The following GARRE1 variants were observed in gnomAD, a reference collection of about 807,000 sequenced individuals.
GARRE1 encodes the protein granule associated Rac and RHOG effector 1.
Under a neutral mutation model 103.2 loss-of-function variants are expected in GARRE1, and 49 were observed. That is an observed-to-expected ratio of 0.47 (90% CI 0.38 to 0.60). The LOEUF is 0.60. Ranked by LOEUF, GARRE1 falls within the 20% of genes least tolerant of loss-of-function variation. The probability of loss-of-function intolerance (pLI) is 0.00; values close to 1 mark genes in which losing one functional copy is unlikely to be tolerated. For missense variants in GARRE1, 1,199 were observed against 1,370.5 expected (o/e 0.87, Z 1.98); for synonymous variants, 505 against 532.8 (o/e 0.95, Z 0.72).
At position 34,257,847 on chromosome 19, in the gene GARRE1, G is replaced by A. The variant is rs537170232; in HGVS notation, c.-796+3233G>A. Among the ~76,000 whole-genome samples, 9 of 151,274 alleles carry A rather than the reference G, an allele frequency of 5.9e-5. No individual in the cohort carries two copies. The East Asian group carries it at 7.8e-4, about 13-fold the overall frequency. ...TGGTGAGCTATTCTTTCTTGCTCTC[G>A]TGAATCTCCCATTGATTGGCCTTCT... On this transcript the variant is annotated intron_variant, in intron 1 of 13. Coordinates refer to ENST00000299505, the MANE Select transcript of GARRE1 (RefSeq NM_014686.5).
chr19:34,348,850 T>C (rs938812637), intron 11 of GARRE1, 166 bp from the exon 12 acceptor site: 4 of 721,018 alleles, frequency 5.5e-6, no homozygotes, highest in African/African-American at 1.8e-5. Context: ...TGTATTACTT[T>C]TGAAATAAGG....
At chr19:34,331,050 C>T (rs141973255) in intron 7 of GARRE1, among the ~76,000 whole-genome samples, 2,220 of 151,936 alleles carry the variant, frequency 0.015, 25 homozygotes, top group South Asian at 0.026. Context: ...CAGGCACGCA[C>T]CACCATGCCT....
In GARRE1 at chr19:34,321,050, CTTTTTTTTTTTT is replaced by C. The variant is rs33942697; in HGVS notation, c.705+947_705+958del. 4.7e-4 allele frequency among the ~76,000 whole-genome samples: 26 copies of C among 55,756 alleles called. No individual in the cohort carries two copies. In the Admixed American group the frequency reaches 4.9e-3, roughly 11 times the overall value. 36.6% of individuals were successfully genotyped at this position (55,756 alleles called of 152,430 possible). A position where few individuals can be genotyped will look rare whatever the true frequency, so the allele number is the denominator to read the frequency against. On this transcript the variant is annotated intron_variant, in intron 3 of 13. Transcript: ENST00000299505. ...TTAGCCACTGCACCCAGACAAGATT[CTTTTTTTTTTTT>C]TTTTTTTTTTTTGAGACGGAGTCTC...
intron 1 of GARRE1, among the ~76,000 whole-genome samples, chr19:34,292,105 G>GC (rs1205672813): frequency 6.6e-6 from 1 of 152,046 alleles, no homozygotes; most frequent in Non-Finnish European, 1.5e-5. Flanking sequence ...CAAGTGATCT[G>GC]CCCCCCTTGG....
intron 2 of GARRE1, among the ~76,000 whole-genome samples, chr19:34,304,845 G>A (rs1224805983): frequency 4.0e-5 from 6 of 151,620 alleles, no homozygotes; most frequent in Admixed American, 6.6e-5. Context: ...AGGCTGGAGT[G>A]CAGTGGCGTG....
At chr19:34,313,625 A>C (rs905248899) in intron 2 of GARRE1, among the ~76,000 whole-genome samples, 1 of 152,194 alleles carries the variant, frequency 6.6e-6, no homozygotes, top group Non-Finnish European at 1.5e-5. Context: ...CTTTGTAATC[A>C]GTTTATCAAT....
At position 34,282,479 on chromosome 19, in the gene GARRE1, C is replaced by T. The variant is rs137971094; in HGVS notation, c.-795-17200C>T. 2.6e-5 allele frequency among the ~76,000 whole-genome samples: 4 copies of T among 152,324 alleles called. No individual in the cohort carries two copies. In the East Asian group the frequency reaches 5.8e-4, roughly 22 times the overall value. On this transcript the variant is annotated intron_variant, in intron 1 of 13. Coordinates refer to ENST00000299505, the MANE Select transcript of GARRE1 (RefSeq NM_014686.5). ...TTTTAAGGATGCACTATCTTTCCAACACTGTCTGAGGAATACCAGTCAGAA... is the reference window on the plus strand; with the variant it reads ...TTTTAAGGATGCACTATCTTTCCAATACTGTCTGAGGAATACCAGTCAGAA...
chr19:34,317,857 TGCTCTACA>T (rs1236664071), intron 2 of GARRE1, among the ~76,000 whole-genome samples: 2 of 152,214 alleles, frequency 1.3e-5, no homozygotes, highest in African/African-American at 4.8e-5. Context: ...GCTGTCTGTG[TGCTCTACA>T]GGACTAAATA....
At chr19:34,279,326 T>C (rs1486789930) in intron 1 of GARRE1, among the ~76,000 whole-genome samples, 1 of 152,106 alleles carries the variant, frequency 6.6e-6, no homozygotes, top group African/African-American at 2.4e-5. Flanking sequence ...TTTGAGACAG[T>C]GTCTCGCTCT....
At chr19:34,341,331 C>T in intron 9 of GARRE1, 91 bp from the exon 10 acceptor site, 4 of 1,102,494 alleles carry the variant, frequency 3.6e-6, no homozygotes, top group Non-Finnish European at 5.2e-6. Context: ...GTTTTTCTTG[C>T]TCTCAACGCC....
chr19:34,300,294 A>G lies in GARRE1; in HGVS notation c.-180A>G. The G allele has an allele frequency of 5.4e-6, 3 of 559,296 alleles. No homozygotes were observed. The highest frequency in any genetic ancestry group is 9.1e-6 in the Non-Finnish European group (3 of 331,078). The allele number at this position is 559,296 out of a possible 1,614,324, so 34.6% of individuals were successfully genotyped here. A position where few individuals can be genotyped will look rare whatever the true frequency, so the allele number is the denominator to read the frequency against. Reference sequence around the variant, plus strand: ...CCTGTCTACACTGAAAATATTAATTATATAAACCTGTTGTCTCTCACCTCT... The same window carrying G: ...CCTGTCTACACTGAAAATATTAATTGTATAAACCTGTTGTCTCTCACCTCT... On this transcript the variant is annotated 5_prime_UTR_variant, in exon 2 of 14. Transcript: ENST00000299505.
At chr19:34,335,815 C>T (rs918548314) in intron 8 of GARRE1, among the ~76,000 whole-genome samples, 4 of 151,802 alleles carry the variant, frequency 2.6e-5, no homozygotes, top group Admixed American at 6.6e-5. Context: ...CGTGAGTCAC[C>T]GCGCCCGGCT....
chr19:34,296,286 G>C, intron 1 of GARRE1: 1 of 702,844 alleles, frequency 1.4e-6, no homozygotes, highest in South Asian at 1.6e-5. Context: ...CTACTCTGAA[G>C]CCTTTGTAGG....
chr19:34,352,805 C>T lies in GARRE1; in HGVS notation c.3063C>T (p.Ala1021=), dbSNP rs764697585. Residue 1021 remains alanine, a synonymous_variant, in exon 14 of 14, where the codon GCC becomes GCT. Transcript: ENST00000299505. Reference sequence around the variant, plus strand: ...AGATGCTGCAGTCCCCAGTGTGGGCCGCAACCAACGACTGCAGTGCCGCTG... The same window carrying T: ...AGATGCTGCAGTCCCCAGTGTGGGCTGCAACCAACGACTGCAGTGCCGCTG... ...TMQMLQSPVW[A]ATNDCSAAAF... is the part of the protein sequence containing the mutation. The T allele has an allele frequency of 1.3e-5, 21 of 1,613,770 alleles. No homozygotes were observed. In the Middle Eastern group the frequency reaches 4.9e-4, roughly 38 times the overall value.
At chr19:34,264,523 T>C (rs2073739632) in intron 1 of GARRE1, among the ~76,000 whole-genome samples, 1 of 152,210 alleles carries the variant, frequency 6.6e-6, no homozygotes, top group African/African-American at 2.4e-5. Context: ...CTCAGCCTCC[T>C]GAGTAGCTGG....
chr19:34,288,597 G>T (rs1004616834), intron 1 of GARRE1, among the ~76,000 whole-genome samples: 10 of 152,200 alleles, frequency 6.6e-5, no homozygotes, highest in African/African-American at 2.4e-4. Flanking sequence ...TCATATAGTG[G>T]AATTGGTACC....
chr19:34,310,655 C>T (rs2145251157), intron 2 of GARRE1, among the ~76,000 whole-genome samples: 1 of 152,326 alleles, frequency 6.6e-6, no homozygotes, highest in South Asian at 2.1e-4. Context: ...GCAAGCATTG[C>T]ACAGATGACA....
intron 1 of GARRE1, among the ~76,000 whole-genome samples, chr19:34,255,505 T>C (rs1314481421): frequency 1.3e-5 from 2 of 152,200 alleles, no homozygotes; most frequent in African/African-American, 2.4e-5. Context: ...CAGTCTACCA[T>C]TCAGTGACAA....
intron 1 of GARRE1, among the ~76,000 whole-genome samples, chr19:34,297,781 A>G (rs1337164858): frequency 1.3e-5 from 2 of 152,226 alleles, no homozygotes; most frequent in Non-Finnish European, 2.9e-5. Context: ...ACATTTTGGA[A>G]CACATTTTTT....
Sources: allele counts gnomAD v4.1 joint callset (sites outside exome capture counted in the v4.1 genomes callset), GRCh38; gene constraint gnomAD v4.1.1; transcripts MANE v1.5; gene names NCBI Gene and HGNC (gene_info 2026-07-23, HGNC 2026-07-21).